Variants in SYNE2 observed in about 807,000 individuals in gnomAD.
SYNE2 encodes the protein spectrin repeat containing nuclear envelope protein 2.
In SYNE2, 431 loss-of-function variants were observed where a neutral mutation model predicts 856.3. The ratio of observed to expected loss-of-function variants is 0.50; its 90% CI spans 0.47 to 0.55. The LOEUF (loss-of-function observed/expected upper bound fraction) is 0.55. Ranked by LOEUF, SYNE2 falls within the 20% of genes least tolerant of loss-of-function variation. The pLI is 0.00. For synonymous variants in SYNE2, 2,923 were observed against 2,872.3 expected (o/e 1.02, Z -0.56); for missense variants, 8,129 against 8,023.2 (o/e 1.01, Z -0.50).
chr14:64,061,452 A>G (rs1332590974), intron 49 of SYNE2, among the ~76,000 whole-genome samples: 1 of 152,196 alleles, frequency 6.6e-6, no homozygotes, highest in Non-Finnish European at 1.5e-5. Context: ...TTAATGCCAA[A>G]TGATTTTGCC....
At chr14:64,169,601 C>G (rs926648017) in intron 93 of SYNE2, among the ~76,000 whole-genome samples, 10 of 152,228 alleles carry the variant, frequency 6.6e-5, no homozygotes, top group Admixed American at 2.0e-4. Context: ...CACATCACCA[C>G]CCATACACCT....
chr14:63,774,468 C>CA (rs748830808), intron 1 of SYNE2, among the ~76,000 whole-genome samples: 1,006 of 95,124 alleles, frequency 0.011, 7 homozygotes, highest in Middle Eastern at 0.015. Context: ...GACTCCGTCT[C>CA]AAAAAAAAAA....
chr14:64,100,525 AAAAAAAATATAT>A lies in SYNE2; in HGVS notation c.12382-1405_12382-1394del, dbSNP rs1344794178. Among the ~76,000 whole-genome samples the A allele has an allele frequency of 2.2e-3, 153 of 70,062 alleles. 2 individuals carry two copies. Among genetic ancestry groups the A allele is most frequent in the East Asian group, 8.5e-3 (15 of 1,770 alleles). The allele number at this position is 70,062 out of a possible 152,430, so 46.0% of individuals were successfully genotyped here. On this transcript the variant is annotated intron_variant, in intron 63 of 115. Transcript: ENST00000555002. Reference sequence around the variant, plus strand: ...GAGCAAAACTGTCTCAAAAAAAAAAAAAAAAAATATATATATATATATATATATATATATATA... The same window carrying A: ...GAGCAAAACTGTCTCAAAAAAAAAAAATATATATATATATATATATATATA...
intron 65 of SYNE2, among the ~76,000 whole-genome samples, chr14:64,108,979 G>T (rs1162312870): frequency 6.6e-6 from 1 of 151,884 alleles, no homozygotes; most frequent in Non-Finnish European, 1.5e-5. Context: ...GGGCTCAGGT[G>T]ATCCTCCCAC....
At chr14:63,950,757 A>G (rs915507087) in intron 7 of SYNE2, among the ~76,000 whole-genome samples, 1 of 152,104 alleles carries the variant, frequency 6.6e-6, no homozygotes, top group African/African-American at 2.4e-5. Context: ...CCCAGGCTCA[A>G]TTGATCCTTC....
At chr14:64,217,875 A>G (rs961180497) in intron 108 of SYNE2, among the ~76,000 whole-genome samples, 2 of 152,238 alleles carry the variant, frequency 1.3e-5, no homozygotes, top group African/African-American at 4.8e-5. Flanking sequence ...CGGCTGTGTG[A>G]TAACAGAAGA....
At chr14:63,827,481 C>T (rs4902245) in intron 1 of SYNE2, among the ~76,000 whole-genome samples, 8,089 of 150,318 alleles carry the variant, frequency 0.054, 288 homozygotes, top group Admixed American at 0.098. Context: ...AAAAATTAGC[C>T]GGGTGTGGTG....
At chr14:63,991,986 A>G (rs773920253) in intron 21 of SYNE2, among the ~76,000 whole-genome samples, 7 of 152,030 alleles carry the variant, frequency 4.6e-5, no homozygotes, top group Non-Finnish European at 1.0e-4. Context: ...GGATTTGCTA[A>G]CCACGCTGGG....
intron 11 of SYNE2, 23 bp from the exon 12 acceptor site, chr14:63,976,540 C>CTTTTTTTT: frequency 1.5e-6 from 2 of 1,361,052 alleles, no homozygotes; most frequent in East Asian, 2.5e-5. Context: ...AGAATATGTT[C>CTTTTTTTT]TTTTTTTTTT....
At chr14:63,925,826 T>C (rs2153386026) in intron 2 of SYNE2, among the ~76,000 whole-genome samples, 1 of 152,314 alleles carries the variant, frequency 6.6e-6, no homozygotes, top group Non-Finnish European at 1.5e-5. Context: ...ATCCATGTTG[T>C]TACAAATGAC....
At chr14:63,999,116 C>T in intron 27 of SYNE2, 76 bp downstream of exon 27, 2 of 1,441,784 alleles carry the variant, frequency 1.4e-6, no homozygotes, top group East Asian at 2.3e-5. Flanking sequence ...TGGACATCCC[C>T]TTTTCTGTTG....
At position 63,942,108 on chromosome 14, in the gene SYNE2, C is replaced by T. The variant is rs1275202826; in HGVS notation, c.373C>T (p.Leu125Phe). Residue 125 changes from leucine (L) to phenylalanine (F), a missense_variant, in exon 6 of 116, where the codon CTT (leucine) becomes TTT (phenylalanine). Leu to Phe is a conservative substitution (Grantham distance 22). Around this residue, in one of 3 missense-constraint regions of SYNE2, gnomAD observed 2,422 missense variants for 2,357.4 expected, o/e 1.03. Transcript: ENST00000555002. ...CATTGATGGAAACCCATCCATTATCCTTGGCCTAATTTGGACAATTATCCT... is the reference window on the plus strand; with the variant it reads ...CATTGATGGAAACCCATCCATTATCTTTGGCCTAATTTGGACAATTATCCT... Reference protein sequence around the residue: ...DIIDGNPSIILGLIWTIILHF... With the variant: ...DIIDGNPSIIFGLIWTIILHF... 1 of 1,610,400 alleles carries T rather than the reference C, an allele frequency of 6.2e-7. No homozygotes were observed. Among genetic ancestry groups the T allele is most frequent in the Non-Finnish European group, 8.5e-7 (1 of 1,177,436 alleles).
chr14:63,765,944 G>T (rs1432861926), intron 1 of SYNE2, among the ~76,000 whole-genome samples: 3 of 152,112 alleles, frequency 2.0e-5, no homozygotes, highest in African/African-American at 4.8e-5. Flanking sequence ...GATTGAGGCT[G>T]CAGTGAACCA....
chr14:63,929,244 T>C (rs1595697584), intron 2 of SYNE2, among the ~76,000 whole-genome samples: 2 of 152,260 alleles, frequency 1.3e-5, no homozygotes, highest in East Asian at 3.9e-4. Flanking sequence ...AGCTGGAGAT[T>C]GAATTAATAA....
At chr14:64,156,541 T>C (rs2098287415) in intron 85 of SYNE2, among the ~76,000 whole-genome samples, 1 of 151,062 alleles carries the variant, frequency 6.6e-6, no homozygotes, top group South Asian at 2.1e-4. Context: ...TCACTGCAAC[T>C]TCCACCTTCC....
intron 28 of SYNE2, 112 bp downstream of exon 28, chr14:64,000,831 C>A: frequency 1.0e-6 from 1 of 978,522 alleles, no homozygotes; most frequent in Non-Finnish European, 1.5e-6. Context: ...TTGGATGTCA[C>A]AACAACAGTA....
intron 96 of SYNE2, among the ~76,000 whole-genome samples, chr14:64,181,937 T>G (rs1418952343): frequency 1.3e-5 from 2 of 152,266 alleles, no homozygotes; most frequent in East Asian, 3.8e-4. Flanking sequence ...ATAATTTTTG[T>G]ATAAGTAAAA....
At chr14:63,857,114 A>C (rs1041081780) in intron 1 of SYNE2, among the ~76,000 whole-genome samples, 1 of 152,070 alleles carries the variant, frequency 6.6e-6, no homozygotes, top group African/African-American at 2.4e-5. Flanking sequence ...GACCTGTGGA[A>C]CTGTCTCCCT....
chr14:64,016,882 A>G (rs940531419), intron 33 of SYNE2, among the ~76,000 whole-genome samples: 3 of 152,164 alleles, frequency 2.0e-5, no homozygotes, highest in African/African-American at 7.2e-5. Context: ...TTCATGCAGT[A>G]TACTGATGTT....
Sources: gnomAD v4.1 joint callset for allele counts (sites outside exome capture counted in the v4.1 genomes callset) on GRCh38, gnomAD v4.1.1 for gene constraint, gnomAD v4.1.1 regional missense constraint, MANE v1.5 for transcripts, NCBI Gene and HGNC (gene_info 2026-07-23, HGNC 2026-07-21) for gene names.